The following C5orf52 variants were observed in gnomAD, a reference collection of about 807,000 sequenced individuals.
C5orf52 encodes chromosome 5 open reading frame 52.
A neutral mutation model predicts 16.8 loss-of-function variants in C5orf52; 15 were observed. The observed-to-expected ratio is 0.89, with a 90% CI of 0.60 to 1.38. The LOEUF (loss-of-function observed/expected upper bound fraction) is 1.38. Among genes scored for constraint, C5orf52 ranks in the 40% most tolerant of loss-of-function variants. C5orf52 has a pLI of 0.00. For missense variants in C5orf52, 206 were observed against 213.1 expected (o/e 0.97, Z 0.21); for synonymous variants, 83 against 87.2 (o/e 0.95, Z 0.27).
chr5:157,673,566 A>G (rs1228679531), intron 1 of C5orf52, among the ~76,000 whole-genome samples: 1 of 152,174 alleles, frequency 6.6e-6, no homozygotes, highest in Non-Finnish European at 1.5e-5. Context: ...TTCATACACA[A>G]TTACATGTAT....
intron 2 of C5orf52, among the ~76,000 whole-genome samples, chr5:157,677,063 T>A (rs1333275786): frequency 6.6e-6 from 1 of 151,616 alleles, no homozygotes; most frequent in Non-Finnish European, 1.5e-5. Flanking sequence ...AGAAACGGGG[T>A]TTCACCATAT....
intron 2 of C5orf52, among the ~76,000 whole-genome samples, chr5:157,678,119 C>T (rs918786605): frequency 9.2e-5 from 14 of 152,198 alleles, no homozygotes; most frequent in African/African-American, 3.4e-4. Flanking sequence ...AGCAAGAATC[C>T]TTGGGGCCTA....
chr5:157,679,577 T>C (rs1022731323), intron 2 of C5orf52, among the ~76,000 whole-genome samples: 2 of 152,166 alleles, frequency 1.3e-5, no homozygotes, highest in African/African-American at 4.8e-5. Context: ...CTTCAAGTGA[T>C]CCACCCTCCT....
rs763583235 is a variant in C5orf52, at chr5:157,680,025, C to A, written c.*26C>A. On this transcript the variant is annotated 3_prime_UTR_variant, in exon 3 of 3. Coordinates refer to ENST00000409999, the MANE Select transcript of C5orf52 (RefSeq NM_001145132.2). ...ACTCCAGTCTCCCAAGAAAGGCCAA[C>A]CACCCTAGTTCTGGCAAAGGGATCT... is the stretch of plus-strand genomic sequence containing the variant. 4 of 1,548,048 alleles carry A rather than the reference C, an allele frequency of 2.6e-6. No homozygotes were observed. The highest frequency in any genetic ancestry group is 3.5e-6 in the Non-Finnish European group (4 of 1,145,438).
Position 157,671,763 on chromosome 5 carries a change from T to C in C5orf52, c.149T>C (p.Val50Ala), listed in dbSNP as rs569208407. The C allele has an allele frequency of 1.3e-4, 202 of 1,550,786 alleles. 1 individual carries two copies. The African/African-American group carries it at 2.2e-3, about 17-fold the overall frequency. Residue 50 changes from valine (V) to alanine (A), a missense_variant, in exon 1 of 3, where the codon GTA becomes GCA. By Grantham distance (64) the Val-to-Ala change is moderately conservative (BLOSUM62 0). Coordinates refer to ENST00000409999, the MANE Select transcript of C5orf52 (RefSeq NM_001145132.2). Reference sequence around the variant, plus strand: ...CTCGGCCGCCGCCCAGAAATCGGCGTAGGGGGTCAGCCGCAGATCTGCTTT... The same window carrying C: ...CTCGGCCGCCGCCCAGAAATCGGCGCAGGGGGTCAGCCGCAGATCTGCTTT... ...DRLGRRPEIG[V>A]GGQPQICFPR... is the part of the protein sequence containing the mutation.
At chr5:157,676,931 T>C (rs1759906888) in intron 2 of C5orf52, among the ~76,000 whole-genome samples, 1 of 149,648 alleles carries the variant, frequency 6.7e-6, no homozygotes, top group Non-Finnish European at 1.5e-5. Flanking sequence ...GGCAGTGGCA[T>C]GATCACAGCT....
intron 2 of C5orf52, among the ~76,000 whole-genome samples, chr5:157,676,855 A>T (rs11134892): frequency 0.5 from 73,986 of 147,188 alleles, 21,695 homozygotes; most frequent in African/African-American, 0.83. Context: ...CCCTTTTTTT[A>T]ATTTCCTTTT....
intron 2 of C5orf52, among the ~76,000 whole-genome samples, chr5:157,676,847 C>CT (rs1442196826): frequency 6.9e-6 from 1 of 144,344 alleles, no homozygotes; most frequent in Non-Finnish European, 1.5e-5. Context: ...TTTGTATCCC[C>CT]TTTTTTTAAT....
rs527781278 is a variant in C5orf52 at position 157,673,266 on chromosome 5, G to A, written c.212+1440G>A. On this transcript the variant is annotated intron_variant, in intron 1 of 2. Transcript: ENST00000409999. ...GTGGGAGGATTGCTTGAGCCTGGGA[G>A]GCTGAGGTTGCATTGAGCGGAGATT... Among the ~76,000 whole-genome samples the A allele has an allele frequency of 1.2e-4, 18 of 152,126 alleles. No homozygotes were observed. The East Asian group carries it at 3.3e-3, about 28-fold the overall frequency.
intron 2 of C5orf52, 36 bp from the exon 3 acceptor site, chr5:157,679,805 G>A (rs1303901740): frequency 1.3e-6 from 2 of 1,529,214 alleles, no homozygotes; most frequent in East Asian, 2.5e-5. Context: ...ACCTCTTTAG[G>A]ATCTTGATCC....
chr5:157,677,095 C>A (rs2080923693), intron 2 of C5orf52, among the ~76,000 whole-genome samples: 1 of 152,076 alleles, frequency 6.6e-6, no homozygotes, highest in African/African-American at 2.4e-5. Context: ...GCCTCAAACT[C>A]CTGGGCTCAA....
At chr5:157,679,051 G>A (rs1181205172) in intron 2 of C5orf52, among the ~76,000 whole-genome samples, 4 of 151,672 alleles carry the variant, frequency 2.6e-5, no homozygotes, top group African/African-American at 9.7e-5. Context: ...GGAGAATGGT[G>A]TGAACCCAGG....
chr5:157,678,708 G>A (rs1025909816), intron 2 of C5orf52, among the ~76,000 whole-genome samples: 1 of 152,108 alleles, frequency 6.6e-6, no homozygotes, highest in Admixed American at 6.6e-5. Flanking sequence ...TGAGCCACCT[G>A]CCTTGGCCCC....
Position 157,675,125 on chromosome 5 carries a change from A to C in C5orf52, c.246A>C (p.Lys82Asn). Residue 82 changes from lysine to asparagine, a missense_variant, in exon 2 of 3, where the codon AAA (lysine) becomes AAC (asparagine). By Grantham distance (94) the Lys-to-Asn change is moderately conservative. Transcript: ENST00000409999. ...ATTCCAGTGAAGCAGCGATGAAAAA[A>C]ACTTTACCCAAGAGCCATTTATCTC... ...LMNSSEAAMK[K>N]TLPKSHLSRV... is the part of the protein sequence containing the mutation. 2 of 1,551,572 alleles carry C rather than the reference A, an allele frequency of 1.3e-6. No homozygotes were observed. The highest frequency in any genetic ancestry group is 1.7e-6 in the Non-Finnish European group (2 of 1,146,784).
intron 2 of C5orf52, among the ~76,000 whole-genome samples, chr5:157,678,930 C>T (rs566811161): frequency 3.3e-5 from 5 of 151,828 alleles, no homozygotes; most frequent in Admixed American, 1.3e-4. Flanking sequence ...GTCAGGAGAT[C>T]GAGACCATCC....
rs1378606963 is a variant in C5orf52 at position 157,671,621 on chromosome 5, C to T, written c.7C>T (p.Gln3Ter). 2 of 1,548,462 alleles carry T rather than the reference C, an allele frequency of 1.3e-6. No homozygotes were observed. The highest frequency in any genetic ancestry group is 4.0e-5 in the Admixed American group (2 of 50,240). MT[Q>*]PTRPSVTCDQ... ...CTCCAACAGGGAAGCCGCAATGACA[C>T]AGCCGACTAGGCCCTCGGTCACCTG... The change falls in exon 1 of 3, where the codon CAG becomes TAG. Residue 3 changes from glutamine (Q) to a stop codon, truncating the protein, a stop_gained. Transcript: ENST00000409999. LOFTEE classifies it high-confidence loss of function.
intron 1 of C5orf52, among the ~76,000 whole-genome samples, chr5:157,672,521 T>C (rs935804687): frequency 1.3e-5 from 2 of 152,090 alleles, no homozygotes; most frequent in African/African-American, 4.8e-5. Context: ...TATGTGTCCT[T>C]AAATGTTTTA....
chr5:157,671,204 G>A (rs1042874802), upstream of C5orf52: 7 of 182,568 alleles, frequency 3.8e-5, no homozygotes, highest in Admixed American at 1.2e-4. Context: ...GCCTGTGCTG[G>A]GTCTTCAGAC....
chr5:157,672,025 G>A (rs1029537116), intron 1 of C5orf52, among the ~76,000 whole-genome samples, 199 bp downstream of exon 1: 2 of 152,160 alleles, frequency 1.3e-5, no homozygotes, highest in Non-Finnish European at 2.9e-5. Flanking sequence ...CCCTCGCCCC[G>A]GAATCGCGGG....
Sources: gnomAD v4.1 joint callset for allele counts (sites outside exome capture counted in the v4.1 genomes callset) on GRCh38, gnomAD v4.1.1 for gene constraint, MANE v1.5 for transcripts, NCBI Gene and HGNC (gene_info 2026-07-23, HGNC 2026-07-21) for gene names.